The following TTC27 variants were observed in gnomAD, a reference collection of about 807,000 sequenced individuals.
TTC27 encodes the protein tetratricopeptide repeat domain 27, also known as tetratricopeptide repeat protein 27.
In TTC27, 79 loss-of-function variants were observed where a neutral mutation model predicts 115.9. That is an observed-to-expected ratio of 0.68 (90% confidence interval 0.57 to 0.82). The LOEUF (loss-of-function observed/expected upper bound fraction) is 0.82, where lower values mean the gene tolerates loss of function less well. Among genes scored for constraint, TTC27 ranks in the 40% least tolerant of loss-of-function variants. The pLI, the probability that TTC27 is intolerant of heterozygous loss-of-function variation, is 0.00. For missense variants in TTC27, 1,054 were observed against 993.1 expected, an observed-to-expected ratio of 1.06 and a Z score of -0.82; for synonymous variants, 401 against 356.0, an observed-to-expected ratio of 1.13 and a Z score of -1.42.
intron 10 of TTC27, among the ~76,000 whole-genome samples, chr2:32,720,132 CATTGAAAA>C (rs1474248062): frequency 6.6e-6 from 1 of 152,170 alleles, no homozygotes; most frequent in Non-Finnish European, 1.5e-5. Flanking sequence ...TTGGCACCTT[CATTGAAAA>C]ATCAGCTGAC....
chr2:32,744,357 A>G (rs1195391186), intron 12 of TTC27, among the ~76,000 whole-genome samples: 1 of 152,188 alleles, frequency 6.6e-6, no homozygotes, highest in Non-Finnish European at 1.5e-5. Flanking sequence ...ATCTTCTACT[A>G]TTAGTAATTT....
intron 4 of TTC27, among the ~76,000 whole-genome samples, chr2:32,649,888 T>C (rs1314113626): frequency 6.6e-6 from 1 of 151,504 alleles, no homozygotes; most frequent in South Asian, 2.1e-4. Flanking sequence ...CAAAATGGCA[T>C]AAGGAAGTCC....
intron 10 of TTC27, among the ~76,000 whole-genome samples, chr2:32,723,105 T>C (rs569738238): frequency 2.5e-4 from 38 of 152,278 alleles, no homozygotes; most frequent in African/African-American, 8.9e-4. Flanking sequence ...TAAAGGAATG[T>C]ATTAATGGGA....
chr2:32,643,434 T>C (rs1008021762), intron 4 of TTC27, among the ~76,000 whole-genome samples: 31 of 152,140 alleles, frequency 2.0e-4, no homozygotes, highest in African/African-American at 6.7e-4. Flanking sequence ...GCCTCCCTAG[T>C]AGCTTGGATT....
rs190184837 is a variant in TTC27, at chr2:32,766,738, G to T, written c.1680+8219G>T. 7.0e-4 allele frequency among the ~76,000 whole-genome samples: 107 copies of T among 152,204 alleles called. 3 individuals are homozygous for T. The highest frequency in any genetic ancestry group is 6.8e-3 in the Middle Eastern group (2 of 294). Reference sequence around the variant, plus strand: ...AGCACACAGTGTTGGAAAAATGGCTGATCTTGTGTTATTTGTATTTCCCTA... The same window carrying T: ...AGCACACAGTGTTGGAAAAATGGCTTATCTTGTGTTATTTGTATTTCCCTA... On this transcript the variant is annotated intron_variant, in intron 13 of 19. Transcript: ENST00000317907.
At chr2:32,767,491 C>T (rs1169255145) in intron 13 of TTC27, among the ~76,000 whole-genome samples, 1 of 114,756 alleles carries the variant, frequency 8.7e-6, no homozygotes, top group Admixed American at 1.3e-4. Flanking sequence ...CTCGCTCTGT[C>T]TCCCAGGCCA....
At chr2:32,810,579 G>A (rs1387481170) in intron 16 of TTC27, among the ~76,000 whole-genome samples, 2 of 152,212 alleles carry the variant, frequency 1.3e-5, no homozygotes, top group Non-Finnish European at 2.9e-5. Context: ...ACTTTGGATA[G>A]ATGGAGAGGG....
chr2:32,641,828 G>A (rs756194321), intron 4 of TTC27, among the ~76,000 whole-genome samples: 11 of 151,982 alleles, frequency 7.2e-5, no homozygotes, highest in South Asian at 2.1e-4. Context: ...ACAGGCATGC[G>A]TCACCATGTC....
chr2:32,672,060 A>G (rs1666033386), intron 7 of TTC27, among the ~76,000 whole-genome samples: 1 of 152,160 alleles, frequency 6.6e-6, no homozygotes, highest in Non-Finnish European at 1.5e-5. Context: ...TATTATTGTC[A>G]TTGTTAGTGC....
At chr2:32,690,479 A>G (rs1264954587) in intron 9 of TTC27, among the ~76,000 whole-genome samples, 2 of 152,198 alleles carry the variant, frequency 1.3e-5, no homozygotes, top group Non-Finnish European at 2.9e-5. Context: ...ACAGATAAAG[A>G]TATCCTCTAG....
At chr2:32,742,261 G>C (rs568575250) in intron 12 of TTC27, among the ~76,000 whole-genome samples, 11 of 152,266 alleles carry the variant, frequency 7.2e-5, no homozygotes, top group Non-Finnish European at 1.2e-4. Flanking sequence ...TATTAGCTTT[G>C]TAAGTTAAAA....
In TTC27 at chr2:32,801,198, T is replaced by C. The variant is rs114674557; in HGVS notation, c.1999-9826T>C. On this transcript the variant is annotated intron_variant, in intron 16 of 19. Coordinates refer to ENST00000317907, the MANE Select transcript of TTC27 (RefSeq NM_017735.5). ...GTCTTTCTGCTTAAAAATGCAATGTTAGTTTTCTAGGGCTACAATAACAAA... is the reference window on the plus strand; with the variant it reads ...GTCTTTCTGCTTAAAAATGCAATGTCAGTTTTCTAGGGCTACAATAACAAA... Among the ~76,000 whole-genome samples the C allele has an allele frequency of 5.4e-3, 828 of 152,308 alleles. 9 individuals carry two copies. The highest frequency in any genetic ancestry group is 0.019 in the African/African-American group (784 of 41,572).
At chr2:32,762,274 GAAGTGTGTGTGTGTGTGT>G (rs1306140431) in intron 13 of TTC27, among the ~76,000 whole-genome samples, 41 of 140,074 alleles carry the variant, frequency 2.9e-4, no homozygotes, top group Admixed American at 2.9e-3. Flanking sequence ...AACACAGAGA[GAAGTGTGTGTGTGTGTGT>G]GTGTGTGTGT....
At chr2:32,628,481 C>A in intron 1 of TTC27, 101 bp downstream of exon 1, 1 of 1,188,724 alleles carries the variant, frequency 8.4e-7, no homozygotes. Flanking sequence ...TTCCCTAACA[C>A]AGTCTAGCTG....
chr2:32,747,470 G>A (rs891237070), intron 12 of TTC27, among the ~76,000 whole-genome samples: 9 of 152,130 alleles, frequency 5.9e-5, no homozygotes, highest in African/African-American at 2.2e-4. Context: ...TTGTAATAAA[G>A]TGTTCTGTAT....
At chr2:32,817,001 G>A (rs998725533) in intron 18 of TTC27, among the ~76,000 whole-genome samples, 16 of 152,150 alleles carry the variant, frequency 1.1e-4, no homozygotes, top group East Asian at 1.9e-4. Flanking sequence ...GAATGCATGC[G>A]TGTATATGTG....
chr2:32,789,118 C>A (rs1429525826), intron 16 of TTC27, among the ~76,000 whole-genome samples: 1 of 152,092 alleles, frequency 6.6e-6, no homozygotes, highest in Non-Finnish European at 1.5e-5. Context: ...GACAAAATAA[C>A]TATTCAAAGA....
chr2:32,820,103 A>G (rs1465535056), intron 19 of TTC27, among the ~76,000 whole-genome samples: 2 of 152,254 alleles, frequency 1.3e-5, no homozygotes, highest in Non-Finnish European at 2.9e-5. Context: ...AAGCTACATA[A>G]ATGATATTTC....
intron 5 of TTC27, among the ~76,000 whole-genome samples, chr2:32,660,280 T>A (rs1665489763): frequency 6.6e-6 from 1 of 152,194 alleles, no homozygotes; most frequent in African/African-American, 2.4e-5. Context: ...TGATGAGCTT[T>A]TTTTCATATG....
Sources: gnomAD v4.1 joint callset for allele counts (sites outside exome capture counted in the v4.1 genomes callset) on GRCh38, gnomAD v4.1.1 for gene constraint, MANE v1.5 for transcripts, NCBI Gene and HGNC (gene_info 2026-07-23, HGNC 2026-07-21) for gene names.